RIN2: variants seen among roughly 807,000 people sequenced by gnomAD.
The protein encoded by RIN2 is RAB5 interacting protein 2.
A neutral mutation model predicts 78.0 loss-of-function variants in RIN2; 36 were observed. The ratio of observed to expected loss-of-function variants is 0.46; its 90% CI spans 0.35 to 0.61. RIN2 has a LOEUF of 0.61. Ranked by LOEUF, RIN2 falls within the 20% of genes least tolerant of loss-of-function variation. The pLI is 0.00. For missense variants in RIN2, 1,087 were observed against 1,159.7 expected (o/e 0.94, Z 0.91); for synonymous variants, 466 against 466.8 (o/e 1.00, Z 0.02).
At chr20:19,872,655 TGCA>T (rs1403634255) in intron 2 of RIN2, among the ~76,000 whole-genome samples, 1 of 152,168 alleles carries the variant, frequency 6.6e-6, no homozygotes, top group Non-Finnish European at 1.5e-5. Flanking sequence ...TGCACTCCCC[TGCA>T]GCATCATGCT....
intron 1 of RIN2, among the ~76,000 whole-genome samples, chr20:19,798,904 A>AT (rs34198043): frequency 0.045 from 6,572 of 147,356 alleles, 287 homozygotes; most frequent in East Asian, 0.13. Flanking sequence ...TAATATAGTA[A>AT]TTTTTTTTTT....
chr20:19,789,599 CT>C (rs536556851), intron 1 of RIN2, among the ~76,000 whole-genome samples: 5 of 152,174 alleles, frequency 3.3e-5, no homozygotes, highest in African/African-American at 4.8e-5. Flanking sequence ...CTATTTGTAG[CT>C]TTAGCTGCCT....
At chr20:19,857,819 C>CTAA (rs772800888) in intron 2 of RIN2, among the ~76,000 whole-genome samples, 54 of 151,548 alleles carry the variant, frequency 3.6e-4, no homozygotes, top group Middle Eastern at 3.4e-3. Context: ...GACCCTGTCT[C>CTAA]TAATAATAAT....
chr20:19,901,872 C>T (rs756460639), intron 3 of RIN2, among the ~76,000 whole-genome samples: 2 of 151,928 alleles, frequency 1.3e-5, no homozygotes, highest in Non-Finnish European at 2.9e-5. Context: ...CAAAAATTAG[C>T]CGGGTGTGGT....
intron 3 of RIN2, among the ~76,000 whole-genome samples, chr20:19,917,796 A>G (rs961145784): frequency 4.6e-5 from 7 of 152,224 alleles, no homozygotes; most frequent in Admixed American, 2.0e-4. Context: ...TTAAAGGCGG[A>G]ATAGCATTCC....
chr20:19,805,250 A>G (rs1309399414), intron 2 of RIN2, among the ~76,000 whole-genome samples: 1 of 152,172 alleles, frequency 6.6e-6, no homozygotes, highest in African/African-American at 2.4e-5. Context: ...TACGGAGGGC[A>G]AAGAGGCCAT....
At chr20:19,931,039 A>G (rs1453932918) in intron 3 of RIN2, among the ~76,000 whole-genome samples, 1 of 152,038 alleles carries the variant, frequency 6.6e-6, no homozygotes, top group Non-Finnish European at 1.5e-5. Flanking sequence ...GCTTGAGGCC[A>G]GGAGTTCAAG....
At chr20:19,840,042 C>T (rs2036536191) in intron 2 of RIN2, among the ~76,000 whole-genome samples, 1 of 152,192 alleles carries the variant, frequency 6.6e-6, no homozygotes, top group Non-Finnish European at 1.5e-5. Flanking sequence ...GTGGTTACTT[C>T]GAGGTGGCAA....
chr20:19,778,682 T>C (rs76953933), intron 1 of RIN2, among the ~76,000 whole-genome samples: 5,516 of 152,216 alleles, frequency 0.036, 313 homozygotes, highest in African/African-American at 0.12. Context: ...CTGAGCTTCT[T>C]TGGGGCCAGG....
chr20:19,901,362 TG>T (rs1303091846), intron 3 of RIN2, among the ~76,000 whole-genome samples: 1 of 140,790 alleles, frequency 7.1e-6, no homozygotes, highest in Non-Finnish European at 1.5e-5. Context: ...CACAGATACA[TG>T]GGTGGACATC....
intron 4 of RIN2, among the ~76,000 whole-genome samples, chr20:19,944,244 A>G (rs911926931): frequency 3.9e-5 from 6 of 152,122 alleles, no homozygotes; most frequent in African/African-American, 1.2e-4. Flanking sequence ...GTCTCTCTAC[A>G]TAAGGGGCCT....
chr20:19,919,735 G>A (rs1445789620), intron 3 of RIN2, among the ~76,000 whole-genome samples: 1 of 151,992 alleles, frequency 6.6e-6, no homozygotes, highest in African/African-American at 2.4e-5. Flanking sequence ...GAACCCAGAA[G>A]GTGGAGGCTG....
chr20:19,956,212 C>T (rs544545398), intron 4 of RIN2, among the ~76,000 whole-genome samples: 11 of 143,046 alleles, frequency 7.7e-5, no homozygotes, highest in Middle Eastern at 3.3e-3. Context: ...GAGCCCAGAT[C>T]GCGCCACTGC....
At chr20:19,985,013 G>A (rs1320901701) in intron 9 of RIN2, among the ~76,000 whole-genome samples, 1 of 152,232 alleles carries the variant, frequency 6.6e-6, no homozygotes, top group Non-Finnish European at 1.5e-5. Flanking sequence ...GACAGTGGCA[G>A]TGAGAGGGGA....
chr20:19,880,575 A>G (rs2123433935), intron 2 of RIN2, among the ~76,000 whole-genome samples: 1 of 151,634 alleles, frequency 6.6e-6, no homozygotes, highest in East Asian at 2.0e-4. Context: ...TTCTGTAGAG[A>G]TGAGGTTTTG....
Position 19,925,421 on chromosome 20 carries a change from G to A in RIN2, c.58-9678G>A, listed in dbSNP as rs536853051. On this transcript the variant is annotated intron_variant, in intron 3 of 12. Transcript: ENST00000255006. ...CTTCTTTCTAGGCAAGGGCCAATAA[G>A]CAATGGCCATATTGAAAACTTGGAT... Among the ~76,000 whole-genome samples the A allele has an allele frequency of 5.4e-4, 83 of 152,304 alleles. No homozygotes were observed. The Middle Eastern group carries it at 0.01, about 19-fold the overall frequency.
intron 2 of RIN2, among the ~76,000 whole-genome samples, chr20:19,814,759 A>AT (rs993872122): frequency 1.1e-3 from 168 of 146,598 alleles, no homozygotes; most frequent in East Asian, 4.8e-3. Flanking sequence ...TACCCAGCTA[A>AT]TTTTTTTTTT....
chr20:19,885,720 T>C (rs1200457468), intron 2 of RIN2, among the ~76,000 whole-genome samples: 1 of 151,554 alleles, frequency 6.6e-6, no homozygotes, highest in African/African-American at 2.4e-5. Context: ...AAAGAAAATT[T>C]TCGAAGACAG....
intron 2 of RIN2, among the ~76,000 whole-genome samples, chr20:19,861,891 C>T (rs1487087462): frequency 6.6e-6 from 1 of 152,010 alleles, no homozygotes; most frequent in African/African-American, 2.4e-5. Flanking sequence ...GATGATCACC[C>T]TCCATATGTG....
Sources: allele counts gnomAD v4.1 joint callset (sites outside exome capture counted in the v4.1 genomes callset), GRCh38; gene constraint gnomAD v4.1.1; transcripts MANE v1.5; gene names NCBI Gene and HGNC (gene_info 2026-07-23, HGNC 2026-07-21).